SLC35F3: variants seen among roughly 807,000 people sequenced by gnomAD.
SLC35F3 encodes the protein putative thiamine transporter SLC35F3.
Under a neutral mutation model 49.9 loss-of-function variants are expected in SLC35F3, and 25 were observed. That is an observed-to-expected ratio of 0.50 (90% CI 0.37 to 0.70). SLC35F3 has a LOEUF of 0.70. Ranked by LOEUF, SLC35F3 falls within the 30% of genes least tolerant of loss-of-function variation. The probability of loss-of-function intolerance (pLI) is 0.00; values close to 1 mark genes in which losing one functional copy is unlikely to be tolerated. For missense variants in SLC35F3, 525 were observed against 639.8 expected (o/e 0.82, Z 1.94); for synonymous variants, 275 against 265.4 (o/e 1.04, Z -0.35).
chr1:234,068,434 T>G (rs116028106), intron 2 of SLC35F3, among the ~76,000 whole-genome samples: 3,633 of 152,212 alleles, frequency 0.024, 134 homozygotes, highest in African/African-American at 0.083. Context: ...TCACAGTCTG[T>G]AACAGAAGAC....
chr1:234,269,199 A>C (rs1668059095), intron 3 of SLC35F3, among the ~76,000 whole-genome samples: 1 of 152,222 alleles, frequency 6.6e-6, no homozygotes, highest in Non-Finnish European at 1.5e-5. Context: ...ATTTTAAAGA[A>C]AATTTTAATT....
At chr1:233,980,831 G>A (rs759949613) in intron 2 of SLC35F3, among the ~76,000 whole-genome samples, 3 of 152,100 alleles carry the variant, frequency 2.0e-5, no homozygotes, top group Non-Finnish European at 4.4e-5. Context: ...ATAATAATAG[G>A]CAACATTCAT....
At chr1:234,288,663 A>G (rs1203368547) in intron 3 of SLC35F3, among the ~76,000 whole-genome samples, 2 of 152,218 alleles carry the variant, frequency 1.3e-5, no homozygotes, top group Non-Finnish European at 2.9e-5. Context: ...AACTCATATC[A>G]TCTCATTTTC....
chr1:234,147,199 G>A (rs1020262995), intron 2 of SLC35F3, among the ~76,000 whole-genome samples: 5 of 149,520 alleles, frequency 3.3e-5, no homozygotes, highest in Admixed American at 2.7e-4. Flanking sequence ...CTTTAATTCT[G>A]GGAAATTACA....
chr1:233,927,874 TTAAA>T (rs1487428739), intron 2 of SLC35F3, among the ~76,000 whole-genome samples: 2 of 152,306 alleles, frequency 1.3e-5, no homozygotes, highest in South Asian at 2.1e-4. Flanking sequence ...ATTAGATTCC[TTAAA>T]TAGATATAAA....
intron 2 of SLC35F3, among the ~76,000 whole-genome samples, chr1:233,983,183 CCT>C (rs1001877217): frequency 1.3e-5 from 2 of 151,396 alleles, no homozygotes; most frequent in East Asian, 4.0e-4. Context: ...TGCCGCCCTC[CCT>C]CTCTATCTCT....
intron 2 of SLC35F3, among the ~76,000 whole-genome samples, chr1:234,055,732 G>A (rs181846863): frequency 4.9e-4 from 74 of 152,280 alleles, no homozygotes; most frequent in Non-Finnish European, 5.3e-4. Flanking sequence ...CTTCTGCGTC[G>A]CTCACACTGG....
intron 3 of SLC35F3, among the ~76,000 whole-genome samples, chr1:234,260,761 A>G (rs1667890463): frequency 6.6e-6 from 1 of 152,198 alleles, no homozygotes; most frequent in Non-Finnish European, 1.5e-5. Context: ...CTGATTAAGC[A>G]CATGGCACCG....
intron 2 of SLC35F3, among the ~76,000 whole-genome samples, chr1:233,987,516 A>ATT (rs1470635162): frequency 6.6e-6 from 1 of 150,812 alleles, no homozygotes; most frequent in African/African-American, 2.5e-5. Flanking sequence ...CCATCTTTTT[A>ATT]TTTTGATCTA....
chr1:233,905,131 G>A lies in SLC35F3; in HGVS notation c.53+1G>A. The A allele has an allele frequency of 6.4e-7, 1 of 1,556,078 alleles. No individual in the cohort carries two copies. The highest frequency in any genetic ancestry group is 1.2e-5 in the South Asian group (1 of 84,404). ...CACCCAGGGGCAAGAGCATTGCCGT[G>A]TGAGTAGCGCCCCGGGCGTGGGTGA... On this transcript the variant is annotated splice_donor_variant, in intron 1 of 7. Transcript: ENST00000366618. LOFTEE classifies it high-confidence loss of function.
intron 3 of SLC35F3, among the ~76,000 whole-genome samples, chr1:234,233,943 C>T (rs958538764): frequency 4.6e-5 from 7 of 152,306 alleles, no homozygotes; most frequent in African/African-American, 9.6e-5. Flanking sequence ...AATTATTAGG[C>T]ATGTCAATCA....
intron 3 of SLC35F3, among the ~76,000 whole-genome samples, chr1:234,236,665 C>G (rs574495543): frequency 6.6e-6 from 1 of 151,950 alleles, no homozygotes; most frequent in South Asian, 2.1e-4. Flanking sequence ...TGGCAAGCCT[C>G]CTACACTATG....
At chr1:234,150,617 A>G (rs1572070827) in intron 2 of SLC35F3, among the ~76,000 whole-genome samples, 1 of 152,142 alleles carries the variant, frequency 6.6e-6, no homozygotes, top group Non-Finnish European at 1.5e-5. Context: ...GCTACAGTCT[A>G]CCTCTGGCTG....
chr1:234,223,486 C>T (rs637365), intron 2 of SLC35F3, among the ~76,000 whole-genome samples: 2,964 of 151,670 alleles, frequency 0.02, 99 homozygotes, highest in African/African-American at 0.067. Flanking sequence ...TTAAACACAA[C>T]TTCACAACTC....
intron 3 of SLC35F3, among the ~76,000 whole-genome samples, chr1:234,299,031 C>T (rs1019217222): frequency 5.9e-5 from 9 of 152,304 alleles, no homozygotes; most frequent in East Asian, 5.8e-4. Context: ...ATGGAACTTA[C>T]AGCATTCATT....
intron 2 of SLC35F3, among the ~76,000 whole-genome samples, chr1:234,189,788 CAAAGG>C (rs1310554141): frequency 2.6e-5 from 4 of 152,042 alleles, no homozygotes; most frequent in Non-Finnish European, 5.9e-5. Context: ...AAAGTCAAGA[CAAAGG>C]AAAGAATCGT....
intron 2 of SLC35F3, among the ~76,000 whole-genome samples, chr1:233,982,655 T>A (rs1169517227): frequency 3.3e-5 from 5 of 152,226 alleles, no homozygotes; most frequent in Admixed American, 1.3e-4. Context: ...GAGAGTTCTT[T>A]ATATATTTTA....
intron 3 of SLC35F3, among the ~76,000 whole-genome samples, chr1:234,275,614 C>T (rs192557315): frequency 3.1e-4 from 47 of 152,096 alleles, no homozygotes; most frequent in African/African-American, 1.0e-3. Flanking sequence ...CACACACACA[C>T]ACACAAACAT....
intron 2 of SLC35F3, among the ~76,000 whole-genome samples, chr1:234,131,493 A>G (rs927020170): frequency 6.6e-6 from 1 of 151,872 alleles, no homozygotes; most frequent in Non-Finnish European, 1.5e-5. Flanking sequence ...CCTGCTTAAC[A>G]TCCTTATAGA....
Sources: allele counts gnomAD v4.1 joint callset (sites outside exome capture counted in the v4.1 genomes callset), GRCh38; gene constraint gnomAD v4.1.1; transcripts MANE v1.5; gene names NCBI Gene and HGNC (gene_info 2026-07-23, HGNC 2026-07-21).